SNX32: variants seen among roughly 807,000 people sequenced by gnomAD.
The protein encoded by SNX32 is sorting nexin-32.
A neutral mutation model predicts 57.0 loss-of-function variants in SNX32; 58 were observed. The observed-to-expected ratio is 1.02, with a 90% confidence interval of 0.82 to 1.27. SNX32 has a LOEUF of 1.27. SNX32 is among the 50% of genes most tolerant of loss of function. The probability of loss-of-function intolerance (pLI) is 0.00; values close to 1 mark genes in which losing one functional copy is unlikely to be tolerated. For missense variants in SNX32, 589 were observed against 541.2 expected (o/e 1.09, Z -0.88); for synonymous variants, 262 against 220.4 (o/e 1.19, Z -1.67).
Position 65,849,751 on chromosome 11 carries a change from G to C in SNX32, c.141+169G>C, listed in dbSNP as rs752879674. ...GCCTCTTAGCTCTGCCTAAGGCCCC[G>C]AGTCCTAATCATTCCTGTCCACCAT... On this transcript the variant is annotated intron_variant, in intron 2 of 12. Transcript: ENST00000308342. 7.8e-6 allele frequency: 6 copies of C among 768,450 alleles called. No individual in the cohort carries two copies. In the African/African-American group the frequency reaches 1.0e-4, roughly 13 times the overall value. The allele number at this position is 768,450 out of a possible 1,614,324, so 47.6% of individuals were successfully genotyped here.
chr11:65,834,301 CTG>C lies in SNX32; in HGVS notation c.36+212_36+213del, dbSNP rs752366677. 7.3e-4 allele frequency among the ~76,000 whole-genome samples: 109 copies of C among 149,902 alleles called. 1 individual carries two copies. Among genetic ancestry groups the C allele is most frequent in the Admixed American group, 2.6e-3 (39 of 15,086 alleles). ...TGTATGTCGATGTGCCTGCATATGT[CTG>C]TGTGTGTGTGTATCTGTGTATGTCT... On this transcript the variant is annotated intron_variant, in intron 1 of 12. Coordinates refer to ENST00000308342, the MANE Select transcript of SNX32 (RefSeq NM_152760.3).
intron 1 of SNX32, among the ~76,000 whole-genome samples, chr11:65,834,560 G>C (rs1858603833): frequency 2.6e-5 from 4 of 151,060 alleles, no homozygotes; most frequent in Non-Finnish European, 5.9e-5. Flanking sequence ...GTGTGTGTCT[G>C]TGTGTCTGTG....
At chr11:65,834,128 C>T in intron 1 of SNX32, 27 bp downstream of exon 1, 1 of 1,549,738 alleles carries the variant, frequency 6.5e-7, no homozygotes, top group East Asian at 2.5e-5. Context: ...GACCCCCACC[C>T]CAGCCTCCCC....
At chr11:65,853,221 G>C (rs1014560850) in intron 12 of SNX32, 61 bp from the exon 13 acceptor site, 51 of 1,611,694 alleles carry the variant, frequency 3.2e-5, no homozygotes, top group Middle Eastern at 1.6e-4. Context: ...CTAAGGTGCA[G>C]AAAGAATGGC....
chr11:65,839,223 G>GTTTTTTTTTGTTTTTTTTTGTTTTTTTT (rs755185237), intron 1 of SNX32, among the ~76,000 whole-genome samples: 8 of 23,066 alleles, frequency 3.5e-4, no homozygotes, highest in African/African-American at 1.6e-3. Context: ...TAATTTTTTT[G>GTTTTTTTTTGTTTTTTTTTGTTTTTTTT]TATTTTTTTT....
rs758957185 is a variant in SNX32, at chr11:65,850,463, C to A, written c.407C>A (p.Ala136Glu). The change falls in exon 5 of 13, where the codon GCG (alanine) becomes GAG (glutamate). Residue 136 changes from alanine (A) to glutamate (E), a missense_variant. Physicochemically the swap from Ala to Glu is moderately radical, Grantham distance 107. Transcript: ENST00000308342. Reference protein sequence around the residue: ...EYLAIFKKTVAMHEVFLQRLA... With the variant: ...EYLAIFKKTVEMHEVFLQRLA... ...CTGGCCATCTTTAAGAAGACAGTTG[C>A]GATGCACGAAGTCTTTCTGCAGCGC... is the stretch of plus-strand genomic sequence containing the variant. 2.5e-6 allele frequency: 4 copies of A among 1,614,216 alleles called. No individual in the cohort carries two copies. In the South Asian group the frequency reaches 4.4e-5, roughly 18 times the overall value.
chr11:65,848,895 C>T (rs1394629947), intron 1 of SNX32, among the ~76,000 whole-genome samples: 2 of 152,136 alleles, frequency 1.3e-5, no homozygotes, highest in African/African-American at 2.4e-5. Context: ...GTAATCTCAG[C>T]ACTTTGGGAC....
intron 1 of SNX32, among the ~76,000 whole-genome samples, chr11:65,839,465 G>A (rs1472408980): frequency 1.4e-5 from 2 of 146,986 alleles, no homozygotes; most frequent in East Asian, 2.3e-4. Context: ...TCCTGACCTC[G>A]TGATCCGCCC....
In SNX32 at chr11:65,849,995, G is replaced by A; in HGVS notation, c.217G>A (p.Ala73Thr). 1.9e-6 allele frequency: 3 copies of A among 1,613,506 alleles called. No homozygotes were observed. The highest frequency in any genetic ancestry group is 2.5e-6 in the Non-Finnish European group (3 of 1,179,494). Residue 73 changes from alanine (A) to threonine (T), a missense_variant, in exon 3 of 13, where the codon GCC becomes ACC. Transcript: ENST00000308342. ...CGAGGAGTTCATCTGGCTGCATGAT[G>A]CCTACGTGGAGAATGAGGAGTACGC... ...QHEEFIWLHD[A>T]YVENEEYAGL...
At chr11:65,849,078 A>T (rs1478808096) in intron 1 of SNX32, among the ~76,000 whole-genome samples, 1 of 152,074 alleles carries the variant, frequency 6.6e-6, no homozygotes, top group Admixed American at 6.6e-5. Context: ...CGGGAGGTGG[A>T]GGTTGCAGTG....
chr11:65,840,883 CA>C (rs1253843538), intron 1 of SNX32, among the ~76,000 whole-genome samples: 1 of 150,616 alleles, frequency 6.6e-6, no homozygotes, highest in Non-Finnish European at 1.5e-5. Context: ...TTAAAATTAA[CA>C]AGTAAATTTG....
intron 11 of SNX32, 36 bp downstream of exon 11, chr11:65,852,825 C>CA (rs760606808): frequency 3.0e-5 from 49 of 1,612,178 alleles, no homozygotes; most frequent in Non-Finnish European, 4.2e-5. Context: ...CCTGGGGCCA[C>CA]ATGCCCTGCC....
chr11:65,834,497 T>C (rs1858599568), intron 1 of SNX32, among the ~76,000 whole-genome samples: 1 of 150,462 alleles, frequency 6.6e-6, no homozygotes, highest in Admixed American at 6.6e-5. Context: ...CATGTGGGTG[T>C]TTGTGCGTGC....
chr11:65,843,888 G>A (rs1347051034), intron 1 of SNX32, among the ~76,000 whole-genome samples: 1 of 152,174 alleles, frequency 6.6e-6, no homozygotes, highest in African/African-American at 2.4e-5. Flanking sequence ...TCAAAGAGGT[G>A]GCAGGAAAGA....
At position 65,850,809 on chromosome 11, in the gene SNX32, T is replaced by C; in HGVS notation, c.557T>C (p.Val186Ala). 2 of 1,614,102 alleles carry C rather than the reference T, an allele frequency of 1.2e-6. No individual in the cohort carries two copies. Among genetic ancestry groups the C allele is most frequent in the Non-Finnish European group, 1.7e-6 (2 of 1,179,998 alleles). The change falls in exon 6 of 13, where the codon GTG becomes GCG. Residue 186 changes from valine to alanine, a missense_variant. Coordinates refer to ENST00000308342, the MANE Select transcript of SNX32 (RefSeq NM_152760.3). Reference sequence around the variant, plus strand: ...CTCGGAGGGTTTCTGAGGAATATTGTGAAGTCCGCGGATGAAGCCCTCATC... The same window carrying C: ...CTCGGAGGGTTTCTGAGGAATATTGCGAAGTCCGCGGATGAAGCCCTCATC... Reference protein sequence around the residue: ...ELLGGFLRNIVKSADEALITG... With the variant: ...ELLGGFLRNIAKSADEALITG...
At chr11:65,835,982 G>A (rs1858659127) in intron 1 of SNX32, among the ~76,000 whole-genome samples, 1 of 152,124 alleles carries the variant, frequency 6.6e-6, no homozygotes, top group African/African-American at 2.4e-5. Context: ...GGTTAGAGTG[G>A]TGCCTAGCAT....
At position 65,851,130 on chromosome 11, in the gene SNX32, C is replaced by A. The variant is rs368432434; in HGVS notation, c.679C>A (p.Arg227=). The A allele has an allele frequency of 6.2e-7, 1 of 1,613,106 alleles. No individual in the cohort carries two copies. Among genetic ancestry groups the A allele is most frequent in the Non-Finnish European group, 8.5e-7 (1 of 1,180,012 alleles). The change falls in exon 7 of 13, where the codon CGG becomes AGG. Residue 227 remains arginine (R), a synonymous_variant. Transcript: ENST00000308342. ...YHTRIRDACL[R]ADRVMRAHKC... is the part of the protein sequence containing the mutation. ...CACCCGTATCCGAGATGCCTGCCTG[C>A]GGGCCGACCGCGTCATGCGCGCCCA...
Position 65,853,420 on chromosome 11 carries a change from T to G in SNX32, c.*85T>G. 22 of 1,396,254 alleles carry G rather than the reference T, an allele frequency of 1.6e-5. No homozygotes were observed. The highest frequency in any genetic ancestry group is 2.1e-5 in the Non-Finnish European group (21 of 987,390). The allele number at this position is 1,396,254 out of a possible 1,614,324, so 86.5% of individuals were successfully genotyped here. ...CCCCTCTCTCCGGCAAGATGTCTCC[T>G]TCCCTAGCAGTGCCACTAGCCACAC... On this transcript the variant is annotated 3_prime_UTR_variant, in exon 13 of 13. Transcript: ENST00000308342.
intron 1 of SNX32, among the ~76,000 whole-genome samples, chr11:65,846,754 C>T (rs1355978598): frequency 6.6e-6 from 1 of 151,678 alleles, no homozygotes; most frequent in African/African-American, 2.4e-5. Flanking sequence ...GAGGCCAAGG[C>T]GGGAGGATGA....
Sources: gnomAD v4.1 joint callset for allele counts (sites outside exome capture counted in the v4.1 genomes callset) on GRCh38, gnomAD v4.1.1 for gene constraint, MANE v1.5 for transcripts, NCBI Gene and HGNC (gene_info 2026-07-23, HGNC 2026-07-21) for gene names.